Variants in FIRRM observed in about 807,000 individuals in gnomAD.
FIRRM encodes the protein FIGNL1 interacting regulator of recombination and mitosis.
At chr1:169,798,813 T>C in the FIRRM span, 4 of 590,548 alleles carry the variant, frequency 6.8e-6, no homozygotes, top group East Asian at 1.1e-4. Flanking sequence ...CAATCTCTTA[T>C]GAGTCATTGC....
chr1:169,828,027 A>G, the FIRRM span, among the ~76,000 whole-genome samples: 3 of 152,164 alleles, frequency 2.0e-5, no homozygotes, highest in South Asian at 4.1e-4. Flanking sequence ...ATATAAACCT[A>G]TATTAGATGC....
chr1:169,805,949 AACTC>A, the FIRRM span: 1 of 1,010,742 alleles, frequency 9.9e-7, no homozygotes, highest in Non-Finnish European at 1.5e-6. Context: ...TTATAGGAGA[AACTC>A]ACCCCCATGA....
chr1:169,836,953 A>C, the FIRRM span: 1 of 1,610,852 alleles, frequency 6.2e-7, no homozygotes, highest in Non-Finnish European at 8.5e-7. Context: ...AATTTTCCCC[A>C]AAAGAAGCAG....
chr1:169,793,906 A>T, the FIRRM span: 137 of 132,976 alleles, frequency 1.0e-3, no homozygotes, highest in East Asian at 2.5e-3. Context: ...CTCTGGAAAG[A>T]AAAAAAAAAA....
chr1:169,830,231 ATAAAT>A, the FIRRM span: 2 of 1,555,864 alleles, frequency 1.3e-6, no homozygotes, highest in African/African-American at 2.7e-5. Flanking sequence ...TAGTATTTAA[ATAAAT>A]TAATTTTTCT....
chr1:169,830,121 A>G, the FIRRM span: 1 of 658,648 alleles, frequency 1.5e-6, no homozygotes, highest in Non-Finnish European at 2.5e-6. Flanking sequence ...TTCAGATACT[A>G]GAAAGTAGAA....
chr1:169,836,024 A>G, the FIRRM span, among the ~76,000 whole-genome samples: 12 of 150,414 alleles, frequency 8.0e-5, no homozygotes, highest in Admixed American at 6.7e-5. Flanking sequence ...AATATAGCAT[A>G]TGACAGAAAA....
the FIRRM span, among the ~76,000 whole-genome samples, chr1:169,812,555 C>T: frequency 1.3e-5 from 2 of 152,020 alleles, no homozygotes; most frequent in Non-Finnish European, 2.9e-5. Context: ...TTAGAGAGTT[C>T]ATCTTCAAAA....
chr1:169,837,307 A>G, the FIRRM span, among the ~76,000 whole-genome samples: 44 of 152,180 alleles, frequency 2.9e-4, no homozygotes, highest in African/African-American at 1.0e-3. Flanking sequence ...TAATTGATGT[A>G]TTATATTGGG....
At chr1:169,852,975 T>C in the FIRRM span, 17 of 1,613,974 alleles carry the variant, frequency 1.1e-5, no homozygotes, top group Non-Finnish European at 1.4e-5. Context: ...GTTACATACA[T>C]ACTCTAGGGT....
chr1:169,824,932 A>T, the FIRRM span, among the ~76,000 whole-genome samples: 8 of 152,186 alleles, frequency 5.3e-5, no homozygotes, highest in Non-Finnish European at 1.2e-4. Flanking sequence ...ATTGTCCCAA[A>T]CTGAACTCTT....
chr1:169,827,518 G>A, the FIRRM span, among the ~76,000 whole-genome samples: 1 of 152,000 alleles, frequency 6.6e-6, no homozygotes, highest in Non-Finnish European at 1.5e-5. Context: ...TGTACCTATA[G>A]TCCCAGCTAC....
At chr1:169,827,059 C>T in the FIRRM span, 16 of 1,611,616 alleles carry the variant, frequency 9.9e-6, no homozygotes, top group Non-Finnish European at 1.3e-5. Context: ...AGCAAGTTTC[C>T]TCCAAGCCTT....
At chr1:169,820,769 G>T in the FIRRM span, among the ~76,000 whole-genome samples, 1 of 152,148 alleles carries the variant, frequency 6.6e-6, no homozygotes, top group Admixed American at 6.5e-5. Context: ...GGGGCTGGAG[G>T]TTTCCTCAGT....
chr1:169,847,554 C>A, the FIRRM span: 1 of 610,922 alleles, frequency 1.6e-6, no homozygotes, highest in Non-Finnish European at 2.9e-6. Flanking sequence ...AGTTCAGGGG[C>A]TGTGGTGTGT....
chr1:169,841,486 T>C, the FIRRM span, among the ~76,000 whole-genome samples: 2 of 152,240 alleles, frequency 1.3e-5, no homozygotes, highest in African/African-American at 4.8e-5. Flanking sequence ...AAGGCATTCA[T>C]TGTTACTGTT....
chr1:169,806,995 C>T, the FIRRM span, among the ~76,000 whole-genome samples: 1 of 152,124 alleles, frequency 6.6e-6, no homozygotes, highest in African/African-American at 2.4e-5. Flanking sequence ...CCACTCTTAC[C>T]CTCTTCCAGT....
At chr1:169,847,699 T>C in the FIRRM span, 1 of 1,612,646 alleles carries the variant, frequency 6.2e-7, no homozygotes, top group Non-Finnish European at 8.5e-7. Context: ...GGCAGTAACT[T>C]TGCAGACCTC....
the FIRRM span, among the ~76,000 whole-genome samples, chr1:169,799,838 C>T: frequency 6.6e-6 from 1 of 152,192 alleles, no homozygotes; most frequent in Non-Finnish European, 1.5e-5. Context: ...CAGGCGTGAG[C>T]CGCTGAGCCT....
Sources: allele counts gnomAD v4.1 joint callset (sites outside exome capture counted in the v4.1 genomes callset), GRCh38; gene constraint gnomAD v4.1.1; transcripts MANE v1.5; gene names NCBI Gene and HGNC (gene_info 2026-07-23, HGNC 2026-07-21).